The following TMEM207 variants were observed in gnomAD, a reference collection of about 807,000 sequenced individuals.
TMEM207 encodes SRSR846.
A neutral mutation model predicts 17.4 loss-of-function variants in TMEM207; 15 were observed. The observed-to-expected ratio is 0.86, with a 90% CI of 0.58 to 1.33. The LOEUF is 1.33. TMEM207 is among the 40% of genes most tolerant of loss of function. TMEM207 has a pLI of 0.00. For missense variants in TMEM207, 205 were observed against 173.8 expected, an observed-to-expected ratio of 1.18 and a Z score of -1.01; for synonymous variants, 70 against 65.6, an observed-to-expected ratio of 1.07 and a Z score of -0.33.
intron 2 of TMEM207, among the ~76,000 whole-genome samples, chr3:190,442,935 G>A (rs1031120828): frequency 6.6e-6 from 1 of 152,088 alleles, no homozygotes; most frequent in African/African-American, 2.4e-5. Context: ...ATTTACACCA[G>A]ACTACTGAAG....
At position 190,449,833 on chromosome 3, in the gene TMEM207, A is replaced by G; in HGVS notation, c.-24T>C. 12 of 1,608,748 alleles carry G rather than the reference A, an allele frequency of 7.5e-6. No homozygotes were observed. Among genetic ancestry groups the G allele is most frequent in the African/African-American group, 1.3e-5 (1 of 74,894 alleles). On this transcript the variant is annotated 5_prime_UTR_variant, in exon 1 of 5. Coordinates refer to ENST00000354905, the MANE Select transcript of TMEM207 (RefSeq NM_207316.3). The stretch of plus-strand genomic sequence containing the variant: ...ATATTTAAAGGACAGTCAACTTAGG[A>G]TAGTGGTTTGGTGCCTGTGTTTATT...
intron 2 of TMEM207, among the ~76,000 whole-genome samples, chr3:190,445,198 A>T (rs1175590858): frequency 6.6e-6 from 1 of 152,220 alleles, no homozygotes; most frequent in African/African-American, 2.4e-5. Flanking sequence ...TCATTAGAAA[A>T]TCTATCAATG....
chr3:190,440,294 TGA>T lies in TMEM207; in HGVS notation c.252_253del (p.His85GlnfsTer36), dbSNP rs546277645. On this transcript the variant is annotated frameshift_variant, in exon 4 of 5. Transcript: ENST00000354905. LOFTEE classifies it high-confidence loss of function. Reference sequence around the variant, plus strand: ...AGCAAAAACTGCCATGGTGCGCCTGTGAGAATCAATTCGGGGTCTCCTCAGCC... The same window carrying T: ...AGCAAAAACTGCCATGGTGCGCCTGTGAATCAATTCGGGGTCTCCTCAGCC... 1.1e-4 allele frequency: 178 copies of T among 1,614,042 alleles called. 1 individual carries two copies. The highest frequency in any genetic ancestry group is 8.9e-4 in the South Asian group (81 of 91,064).
At chr3:190,445,151 A>T (rs1720017592) in intron 2 of TMEM207, among the ~76,000 whole-genome samples, 1 of 152,244 alleles carries the variant, frequency 6.6e-6, no homozygotes, top group South Asian at 2.1e-4. Context: ...CTTGAGTAAG[A>T]TATTTCACTT....
At position 190,429,337 on chromosome 3, in the gene TMEM207, G is replaced by T. The variant is rs1038870182; in HGVS notation, c.*258C>A. On this transcript the variant is annotated 3_prime_UTR_variant, in exon 5 of 5. Coordinates refer to ENST00000354905, the MANE Select transcript of TMEM207 (RefSeq NM_207316.3). ...CTAATTGTTGCCTGTTTGGATACTA[G>T]TGGAGAAGCATTAATTTGGTTGTGT... The T allele has an allele frequency of 1.4e-5, 6 of 415,840 alleles. No individual in the cohort carries two copies. Among genetic ancestry groups the T allele is most frequent in the East Asian group, 4.9e-5 (1 of 20,238 alleles). The allele number at this position is 415,840 out of a possible 1,614,324, so 25.8% of individuals were successfully genotyped here.
rs145746328 is a variant in TMEM207 at position 190,440,289 on chromosome 3, G to T, written c.259C>A (p.Arg87Ser). ...LRRPRIDSHR[R>S]TMAVFAVGDL... ...CCAACAGCAAAAACTGCCATGGTGC[G>T]CCTGTGAGAATCAATTCGGGGTCTC... is the stretch of plus-strand genomic sequence containing the variant. Residue 87 changes from arginine to serine, a missense_variant, in exon 4 of 5, where the codon CGC (arginine) becomes AGC (serine). Arg to Ser is a moderately radical substitution (Grantham distance 110). Transcript: ENST00000354905. The T allele has an allele frequency of 1.4e-3, 2,283 of 1,614,068 alleles. 6 individuals are homozygous for T. The highest frequency in any genetic ancestry group is 1.8e-3 in the Non-Finnish European group (2,141 of 1,179,998).
At chr3:190,443,156 TTTTG>T (rs1719970854) in intron 2 of TMEM207, among the ~76,000 whole-genome samples, 5 of 150,258 alleles carry the variant, frequency 3.3e-5, no homozygotes, top group Admixed American at 6.6e-5. Context: ...TTTTTTTTTT[TTTTG>T]TTTTGTTTTG....
At chr3:190,435,713 T>C (rs921681455) in intron 4 of TMEM207, among the ~76,000 whole-genome samples, 3 of 152,168 alleles carry the variant, frequency 2.0e-5, no homozygotes. Context: ...GAAGACCAGT[T>C]ATCTAAAGAC....
chr3:190,448,756 T>A (rs28704674), intron 1 of TMEM207, among the ~76,000 whole-genome samples: 31 of 152,022 alleles, frequency 2.0e-4, no homozygotes, highest in African/African-American at 7.0e-4. Context: ...GTGAGATGTG[T>A]CTTTTCCCCC....
chr3:190,438,547 A>G (rs1719854740), intron 4 of TMEM207, among the ~76,000 whole-genome samples: 1 of 152,226 alleles, frequency 6.6e-6, no homozygotes, highest in African/African-American at 2.4e-5. Context: ...GTTTAACAGT[A>G]TAACTGTCTA....
At chr3:190,444,398 G>T (rs1720001423) in intron 2 of TMEM207, 1 of 984,600 alleles carries the variant, frequency 1.0e-6, no homozygotes, top group Non-Finnish European at 1.2e-6. Flanking sequence ...GTCGTGGTGC[G>T]ACTGGGACAG....
At chr3:190,440,152 T>C (rs1719897911) in intron 4 of TMEM207, 92 bp downstream of exon 4, 1 of 1,458,364 alleles carries the variant, frequency 6.9e-7, no homozygotes, top group African/African-American at 1.4e-5. Context: ...TTTTTCTAAG[T>C]TCCCAGATCT....
rs1015940584 is a variant in TMEM207 at position 190,429,173 on chromosome 3, A to G, written c.*422T>C. The G allele has an allele frequency of 4.4e-4, 68 of 155,048 alleles. 1 individual carries two copies. Among genetic ancestry groups the G allele is most frequent in the South Asian group, 2.0e-4 (1 of 5,116 alleles). The allele number at this position is 155,048 out of a possible 1,614,324, so 9.6% of individuals were successfully genotyped here. A position where few individuals can be genotyped will look rare whatever the true frequency, so the allele number is the denominator to read the frequency against. The stretch of plus-strand genomic sequence containing the variant: ...TATCTTTCTGGTTCTGGTTCTGGAC[A>G]TGTTGGATTCTCGGCTTGGGCTATT... On this transcript the variant is annotated 3_prime_UTR_variant, in exon 5 of 5. Transcript: ENST00000354905.
chr3:190,433,747 C>T (rs1324724144), intron 4 of TMEM207, among the ~76,000 whole-genome samples: 2 of 152,270 alleles, frequency 1.3e-5, no homozygotes, highest in East Asian at 3.9e-4. Flanking sequence ...TCTGTGTCCC[C>T]ACCCAAAACC....
chr3:190,437,999 C>CA (rs1719839951), intron 4 of TMEM207, among the ~76,000 whole-genome samples: 3 of 148,882 alleles, frequency 2.0e-5, no homozygotes, highest in Non-Finnish European at 3.0e-5. Context: ...ATCGCAAGGA[C>CA]AAAAAACCAA....
chr3:190,440,277 C>T lies in TMEM207; in HGVS notation c.271G>A (p.Val91Ile), dbSNP rs1719900812. 6.2e-7 allele frequency: 1 copy of T among 1,614,108 alleles called. No individual in the cohort carries two copies. Among genetic ancestry groups the T allele is most frequent in the African/African-American group, 1.3e-5 (1 of 75,044 alleles). Reference protein sequence around the residue: ...RIDSHRRTMAVFAVGDLDSIY... With the variant: ...RIDSHRRTMAIFAVGDLDSIY... ...GAGTCCAAGTCTCCAACAGCAAAAACTGCCATGGTGCGCCTGTGAGAATCA... is the reference window on the plus strand; with the variant it reads ...GAGTCCAAGTCTCCAACAGCAAAAATTGCCATGGTGCGCCTGTGAGAATCA... The change falls in exon 4 of 5, where the codon GTT becomes ATT. Residue 91 changes from valine to isoleucine, a missense_variant. Transcript: ENST00000354905.
Position 190,429,313 on chromosome 3 carries a change from T to C in TMEM207, c.*282A>G. 1 of 348,264 alleles carries C rather than the reference T, an allele frequency of 2.9e-6. No individual in the cohort carries two copies. Among genetic ancestry groups the C allele is most frequent in the Non-Finnish European group, 5.3e-6 (1 of 188,538 alleles). 21.6% of individuals were successfully genotyped at this position (348,264 alleles called of 1,614,324 possible). On this transcript the variant is annotated 3_prime_UTR_variant, in exon 5 of 5. Transcript: ENST00000354905. ...TGTGATGGAAACTACTTCCAGCACC[T>C]AATTGTTGCCTGTTTGGATACTAGT...
At chr3:190,441,031 T>C (rs1719924263) in intron 3 of TMEM207, among the ~76,000 whole-genome samples, 1 of 151,890 alleles carries the variant, frequency 6.6e-6, no homozygotes, top group South Asian at 2.1e-4. Context: ...ATGGCGCCAC[T>C]GCACTGCAGC....
At chr3:190,436,114 C>G (rs1719798509) in intron 4 of TMEM207, among the ~76,000 whole-genome samples, 1 of 152,074 alleles carries the variant, frequency 6.6e-6, no homozygotes, top group Non-Finnish European at 1.5e-5. Flanking sequence ...CAACCTTTGC[C>G]CTACATGTCA....
Sources: allele counts gnomAD v4.1 joint callset (sites outside exome capture counted in the v4.1 genomes callset), GRCh38; gene constraint gnomAD v4.1.1; transcripts MANE v1.5; gene names NCBI Gene and HGNC (gene_info 2026-07-23, HGNC 2026-07-21).